Variants in P2RY12 observed in about 807,000 individuals in gnomAD.
P2RY12 encodes the protein purinergic receptor P2Y12.
In P2RY12, 3 loss-of-function variants were observed where a neutral mutation model predicts 4.5. That is an observed-to-expected ratio of 0.67 (90% CI 0.31 to 1.74). The LOEUF (loss-of-function observed/expected upper bound fraction) is 1.74, where lower values mean the gene tolerates loss of function less well. Ranked by LOEUF, P2RY12 falls within the 40% of genes most tolerant of loss-of-function variation. The pLI is 0.09. For missense variants in P2RY12, 356 were observed against 407.8 expected, an observed-to-expected ratio of 0.87 and a Z score of 1.09; for synonymous variants, 148 against 154.1, an observed-to-expected ratio of 0.96 and a Z score of 0.29.
At chr3:151,367,669 T>A in intron 1 of P2RY12, 1 of 1,608,746 alleles carries the variant, frequency 6.2e-7, no homozygotes, top group Non-Finnish European at 8.5e-7. Context: ...CATTCCATGA[T>A]TCATTAGCTA....
intron 1 of P2RY12, chr3:151,369,332 T>C: frequency 1.5e-6 from 1 of 673,122 alleles, no homozygotes; most frequent in Non-Finnish European, 2.5e-6. Flanking sequence ...CTAATGGCAA[T>C]TAAGCACCCA....
chr3:151,382,545 G>A (rs549978009), intron 1 of P2RY12: 2 of 586,928 alleles, frequency 3.4e-6, no homozygotes, highest in Admixed American at 3.9e-5. Flanking sequence ...AGCTTTGTTT[G>A]TTAATTTGTT....
chr3:151,352,784 G>A (rs1753396758), intron 1 of P2RY12, among the ~76,000 whole-genome samples: 2 of 152,066 alleles, frequency 1.3e-5, no homozygotes, highest in Admixed American at 6.5e-5. Flanking sequence ...TGTCAATGGT[G>A]TATCTTTTGA....
At chr3:151,355,810 C>CTG in intron 1 of P2RY12, 1 of 1,223,652 alleles carries the variant, frequency 8.2e-7, no homozygotes, top group South Asian at 1.6e-5. Context: ...ATAGATTCAA[C>CTG]TGTCTTAAAA....
chr3:151,349,943 G>A (rs1330105386), intron 1 of P2RY12: 12 of 832,758 alleles, frequency 1.4e-5, no homozygotes, highest in Middle Eastern at 5.0e-4. Flanking sequence ...AAGGGAGGGC[G>A]GGATGCCACC....
intron 1 of P2RY12, among the ~76,000 whole-genome samples, chr3:151,347,830 A>G (rs1166410049): frequency 1.3e-5 from 2 of 152,162 alleles, no homozygotes; most frequent in East Asian, 3.9e-4. Flanking sequence ...CCCATTTTTC[A>G]GAGGAAGAAT....
intron 1 of P2RY12, chr3:151,365,059 T>G: frequency 6.2e-7 from 1 of 1,614,112 alleles, no homozygotes; most frequent in African/African-American, 1.3e-5. Context: ...GATCCAGACT[T>G]CATGATGGAT....
chr3:151,342,867 A>G (rs920550265), intron 1 of P2RY12, among the ~76,000 whole-genome samples: 1 of 152,136 alleles, frequency 6.6e-6, no homozygotes, highest in Admixed American at 6.5e-5. Context: ...AATTTCTTAC[A>G]CTGTCATGGA....
chr3:151,366,073 A>C, intron 1 of P2RY12: 1 of 1,171,326 alleles, frequency 8.5e-7, no homozygotes, highest in Non-Finnish European at 1.2e-6. Flanking sequence ...TTTGGCTTTT[A>C]TTTAATTGAT....
chr3:151,346,507 C>T (rs1752558780), intron 1 of P2RY12, among the ~76,000 whole-genome samples: 1 of 152,124 alleles, frequency 6.6e-6, no homozygotes, highest in Non-Finnish European at 1.5e-5. Flanking sequence ...AGAGAAACTT[C>T]TTCTCCTTTG....
At chr3:151,353,160 G>C (rs1753450417) in intron 1 of P2RY12, among the ~76,000 whole-genome samples, 1 of 152,080 alleles carries the variant, frequency 6.6e-6, no homozygotes, top group African/African-American at 2.4e-5. Flanking sequence ...GTTTTTAGTA[G>C]GATCTACTTC....
At chr3:151,349,655 T>C (rs984703595) in intron 1 of P2RY12, among the ~76,000 whole-genome samples, 9 of 152,148 alleles carry the variant, frequency 5.9e-5, no homozygotes, top group Non-Finnish European at 8.8e-5. Context: ...ATATTTACTA[T>C]TGCTATATAT....
intron 1 of P2RY12, chr3:151,368,035 C>A (rs543180307): frequency 1.5e-5 from 14 of 941,212 alleles, no homozygotes; most frequent in African/African-American, 1.4e-4. Flanking sequence ...TATTTTCTTA[C>A]CATAAGGAAA....
At chr3:151,374,859 T>G (rs561287629) in intron 1 of P2RY12, among the ~76,000 whole-genome samples, 9 of 152,308 alleles carry the variant, frequency 5.9e-5, no homozygotes, top group African/African-American at 1.9e-4. Context: ...CCCATATCCC[T>G]CTTACCAGAT....
intron 1 of P2RY12, among the ~76,000 whole-genome samples, chr3:151,369,740 G>A (rs1364343400): frequency 6.6e-6 from 1 of 152,144 alleles, no homozygotes; most frequent in African/African-American, 2.4e-5. Flanking sequence ...CCCTTATCTA[G>A]TGTCTCTGGG....
At chr3:151,364,651 C>G (rs140052633) in intron 1 of P2RY12, among the ~76,000 whole-genome samples, 1 of 152,110 alleles carries the variant, frequency 6.6e-6, no homozygotes, top group African/African-American at 2.4e-5. Context: ...TGTTAAGACA[C>G]AGTTGTTGGA....
At chr3:151,355,933 C>A in intron 1 of P2RY12, 1 of 1,613,928 alleles carries the variant, frequency 6.2e-7, no homozygotes, top group South Asian at 1.1e-5. Flanking sequence ...ACAAGCTTTG[C>A]GTCAGGAACA....
At chr3:151,351,637 C>A (rs887424335) in intron 1 of P2RY12, among the ~76,000 whole-genome samples, 1 of 152,138 alleles carries the variant, frequency 6.6e-6, no homozygotes, top group Non-Finnish European at 1.5e-5. Flanking sequence ...AACTAGCTAG[C>A]AAAGAATATT....
intron 1 of P2RY12, chr3:151,367,872 G>A (rs764630355): frequency 1.2e-5 from 15 of 1,287,636 alleles, no homozygotes; most frequent in Non-Finnish European, 1.4e-5. Context: ...TATGTATATT[G>A]GGAAGTGGTG....
Sources: allele counts gnomAD v4.1 joint callset (sites outside exome capture counted in the v4.1 genomes callset), GRCh38; gene constraint gnomAD v4.1.1; transcripts MANE v1.5; gene names NCBI Gene and HGNC (gene_info 2026-07-23, HGNC 2026-07-21).